MRAP2: variants seen among roughly 807,000 people sequenced by gnomAD.
MRAP2 encodes melanocortin-2 receptor accessory protein 2.
A neutral mutation model predicts 17.4 loss-of-function variants in MRAP2; 20 were observed. The ratio of observed to expected loss-of-function variants is 1.15; its 90% CI spans 0.81 to 1.67. MRAP2 has a LOEUF of 1.67. MRAP2 is among the 40% of genes most tolerant of loss of function. The pLI is 0.00. For synonymous variants in MRAP2, 96 were observed against 88.4 expected (o/e 1.09, Z -0.48); for missense variants, 238 against 240.0 (o/e 0.99, Z 0.05).
downstream of MRAP2, among the ~76,000 whole-genome samples, chr6:84,093,051 G>A (rs79715485): frequency 0.14 from 21,081 of 152,166 alleles, 1,725 homozygotes; most frequent in Middle Eastern, 0.24. Flanking sequence ...TTCTTGAAAG[G>A]TACAATGTGT....
chr6:84,119,237 A>G, the MRAP2 span, among the ~76,000 whole-genome samples: 1 of 152,180 alleles, frequency 6.6e-6, no homozygotes, highest in Non-Finnish European at 1.5e-5. Flanking sequence ...TAATTTTAAT[A>G]GGAATTTCAT....
the MRAP2 span, among the ~76,000 whole-genome samples, chr6:84,129,177 A>G: frequency 6.6e-6 from 1 of 152,126 alleles, no homozygotes; most frequent in African/African-American, 2.4e-5. Flanking sequence ...TTAATAGTAG[A>G]ATGATTTATA....
chr6:84,139,435 T>A, the MRAP2 span, among the ~76,000 whole-genome samples: 1 of 152,220 alleles, frequency 6.6e-6, no homozygotes, highest in Non-Finnish European at 1.5e-5. Flanking sequence ...ATTAATAAAT[T>A]TGTTTTTCTC....
chr6:84,034,723 A>C (rs2099485530), intron 1 of MRAP2, among the ~76,000 whole-genome samples: 1 of 152,210 alleles, frequency 6.6e-6, no homozygotes, highest in Middle Eastern at 3.4e-3. Context: ...GAATGTGTCC[A>C]GGGAGACGAG....
At chr6:84,143,382 A>C in the MRAP2 span, among the ~76,000 whole-genome samples, 1 of 152,060 alleles carries the variant, frequency 6.6e-6, no homozygotes, top group Non-Finnish European at 1.5e-5. Context: ...AATGTTACTA[A>C]GGATTAAAAG....
At chr6:84,043,445 C>T (rs2099488169) in intron 1 of MRAP2, among the ~76,000 whole-genome samples, 1 of 152,180 alleles carries the variant, frequency 6.6e-6, no homozygotes, top group African/African-American at 2.4e-5. Context: ...TCCCTACCCT[C>T]AAGGGTAGAC....
At chr6:84,079,047 T>G (rs1256922086) in intron 3 of MRAP2, among the ~76,000 whole-genome samples, 1 of 152,170 alleles carries the variant, frequency 6.6e-6, no homozygotes, top group African/African-American at 2.4e-5. Flanking sequence ...CATGACTCAA[T>G]TCTATTCTTA....
chr6:84,033,889 C>G lies in MRAP2; in HGVS notation c.-8+6C>G, dbSNP rs1405695891. 1.0e-6 allele frequency: 1 copy of G among 983,682 alleles called. No homozygotes were observed. The highest frequency in any genetic ancestry group is 1.1e-4 in the East Asian group (1 of 8,804). The allele number at this position is 983,682 out of a possible 1,614,324, so 60.9% of individuals were successfully genotyped here. ...GGGCCGGGGCTAGCCAGCCGGTAAC[C>G]ACGGGCGGGACAGGGCGCCCAGGGC... On this transcript the variant is annotated splice_donor_region_variant and intron_variant, in intron 1 of 3. Coordinates refer to ENST00000257776, the MANE Select transcript of MRAP2 (RefSeq NM_138409.4).
intron 2 of MRAP2, 140 bp downstream of exon 2, chr6:84,055,585 C>A: frequency 3.8e-6 from 3 of 790,710 alleles, no homozygotes; most frequent in Non-Finnish European, 6.0e-6. Flanking sequence ...TACAAAACAT[C>A]TCGCCTCCAC....
At chr6:84,053,858 T>C (rs1252892227) in intron 1 of MRAP2, among the ~76,000 whole-genome samples, 2 of 152,258 alleles carry the variant, frequency 1.3e-5, no homozygotes, top group South Asian at 2.1e-4. Flanking sequence ...TTTTAGGCTT[T>C]TTGGGCCCAT....
At chr6:84,066,284 T>G (rs911003189) in intron 3 of MRAP2, among the ~76,000 whole-genome samples, 1 of 152,160 alleles carries the variant, frequency 6.6e-6, no homozygotes, top group African/African-American at 2.4e-5. Flanking sequence ...TTTAAGAAAA[T>G]AATGGATGTT....
chr6:84,118,846 CTAAGT>C, the MRAP2 span, among the ~76,000 whole-genome samples: 62 of 152,236 alleles, frequency 4.1e-4, no homozygotes, highest in African/African-American at 1.2e-3. Flanking sequence ...AGTCTTTAAC[CTAAGT>C]TAATTTTTAT....
chr6:84,075,102 C>T (rs2099497237), intron 3 of MRAP2, among the ~76,000 whole-genome samples: 1 of 152,348 alleles, frequency 6.6e-6, no homozygotes, highest in Non-Finnish European at 1.5e-5. Context: ...TCTCCACTTG[C>T]AGCTGCCCTT....
chr6:84,126,425 T>A, the MRAP2 span: 1 of 1,602,362 alleles, frequency 6.2e-7, no homozygotes. Context: ...TCCATCTGCT[T>A]AATTTTCTTT....
the MRAP2 span, among the ~76,000 whole-genome samples, chr6:84,114,322 T>A: frequency 6.6e-6 from 1 of 152,140 alleles, no homozygotes; most frequent in Non-Finnish European, 1.5e-5. Context: ...TTTATTTCAT[T>A]GAGTTAATCT....
At chr6:84,079,613 T>G (rs1226072108) in intron 3 of MRAP2, among the ~76,000 whole-genome samples, 1 of 152,192 alleles carries the variant, frequency 6.6e-6, no homozygotes, top group Admixed American at 6.5e-5. Flanking sequence ...ACGATGAGTT[T>G]TTCACATTGT....
the MRAP2 span, among the ~76,000 whole-genome samples, chr6:84,130,698 G>A: frequency 6.6e-6 from 1 of 152,072 alleles, no homozygotes; most frequent in Non-Finnish European, 1.5e-5. Flanking sequence ...GGGATCGGTG[G>A]TGATATCCCC....
intron 3 of MRAP2, among the ~76,000 whole-genome samples, chr6:84,082,534 C>T (rs548592797): frequency 1.3e-5 from 2 of 152,254 alleles, no homozygotes; most frequent in African/African-American, 2.4e-5. Flanking sequence ...CTTTCTTATA[C>T]GAAATTATTC....
chr6:84,132,868 G>T, the MRAP2 span, among the ~76,000 whole-genome samples: 1 of 151,946 alleles, frequency 6.6e-6, no homozygotes, highest in Non-Finnish European at 1.5e-5. Flanking sequence ...AGTCATTCTT[G>T]GTCCAGCTTT....
Sources: allele counts gnomAD v4.1 joint callset (sites outside exome capture counted in the v4.1 genomes callset), GRCh38; gene constraint gnomAD v4.1.1; transcripts MANE v1.5; gene names NCBI Gene and HGNC (gene_info 2026-07-23, HGNC 2026-07-21).